TENM3: variants seen among roughly 807,000 people sequenced by gnomAD.
TENM3 encodes the protein teneurin-3.
A neutral mutation model predicts 255.1 loss-of-function variants in TENM3; 63 were observed. That is an observed-to-expected ratio of 0.25 (90% CI 0.20 to 0.30). The LOEUF is 0.30. Among genes scored for constraint, TENM3 ranks in the 10% least tolerant of loss-of-function variants. The pLI is 1.00. For missense variants in TENM3, 2,929 were observed against 3,461.1 expected (o/e 0.85, Z 3.86); for synonymous variants, 1,306 against 1,322.3 (o/e 0.99, Z 0.27).
intron 1 of TENM3, among the ~76,000 whole-genome samples, chr4:182,290,095 T>C (rs1019306009): frequency 1.2e-4 from 18 of 152,200 alleles, no homozygotes; most frequent in Admixed American, 3.3e-4. Flanking sequence ...GTATGTTAGC[T>C]GACCAGCCAC....
At chr4:181,750,242 A>G in the TENM3 span, among the ~76,000 whole-genome samples, 1 of 152,144 alleles carries the variant, frequency 6.6e-6, no homozygotes, top group Non-Finnish European at 1.5e-5. Flanking sequence ...GAAGAACCTC[A>G]AGAGAGGAGA....
chr4:181,894,035 A>G, the TENM3 span, among the ~76,000 whole-genome samples: 3 of 152,024 alleles, frequency 2.0e-5, no homozygotes, highest in African/African-American at 7.2e-5. Context: ...AGAAGTTGAA[A>G]AAAAAAAATG....
At chr4:182,703,920 A>ATT in intron 12 of TENM3, among the ~76,000 whole-genome samples, 1 of 152,292 alleles carries the variant, frequency 6.6e-6, no homozygotes, top group Non-Finnish European at 1.5e-5. Flanking sequence ...CTGTGATTGG[A>ATT]TTTATTAGCA....
Position 182,348,831 on chromosome 4 carries a change from C to A in TENM3, c.511+1902C>A, listed in dbSNP as rs570548174. Among the ~76,000 whole-genome samples, 6 of 151,882 alleles carry A rather than the reference C, an allele frequency of 4.0e-5. No individual in the cohort carries two copies. The East Asian group carries it at 1.2e-3, about 29-fold the overall frequency. On this transcript the variant is annotated intron_variant, in intron 3 of 27. Coordinates refer to ENST00000511685, the MANE Select transcript of TENM3 (RefSeq NM_001080477.4). ...TATAAACTTTGTAACCTTTAGTTAA[C>A]GACACATAATATCCAAATGTTAGGG...
chr4:181,723,681 T>C, the TENM3 span, among the ~76,000 whole-genome samples: 2 of 152,110 alleles, frequency 1.3e-5, no homozygotes. Context: ...TTTGGCTTAT[T>C]TACAAGTTCT....
intron 3 of TENM3, among the ~76,000 whole-genome samples, chr4:182,534,339 A>C (rs945438567): frequency 2.0e-5 from 3 of 152,218 alleles, no homozygotes; most frequent in Non-Finnish European, 4.4e-5. Context: ...CCCAGAGGAC[A>C]ATATAAAGAT....
intron 22 of TENM3, among the ~76,000 whole-genome samples, chr4:182,771,530 C>A (rs1764217677): frequency 6.6e-6 from 1 of 151,014 alleles, no homozygotes; most frequent in South Asian, 2.1e-4. Context: ...ATACAGAATT[C>A]TCCTATGTAG....
chr4:182,230,812 CTA>C (rs55642239), intron 1 of TENM3, among the ~76,000 whole-genome samples: 4,923 of 56,512 alleles, frequency 0.087, 144 homozygotes, highest in African/African-American at 0.1. Context: ...GTTTCTCAAA[CTA>C]TATATATATA....
chr4:182,303,897 C>T (rs531039461), intron 1 of TENM3, among the ~76,000 whole-genome samples: 23 of 152,072 alleles, frequency 1.5e-4, no homozygotes, highest in Admixed American at 1.1e-3. Flanking sequence ...ATTTTTAATT[C>T]GAAGCTTTCC....
chr4:182,341,704 A>T (rs963141306), intron 2 of TENM3, among the ~76,000 whole-genome samples: 22 of 152,250 alleles, frequency 1.4e-4, no homozygotes, highest in African/African-American at 5.1e-4. Context: ...TTTCTATAGG[A>T]TATAGTTCCA....
At chr4:182,559,599 C>T (rs900279010) in intron 3 of TENM3, among the ~76,000 whole-genome samples, 7 of 152,100 alleles carry the variant, frequency 4.6e-5, no homozygotes, top group Non-Finnish European at 8.8e-5. Context: ...TGCAAGCACC[C>T]TGTAATAAAC....
At chr4:181,630,304 A>AT in the TENM3 span, among the ~76,000 whole-genome samples, 3 of 150,536 alleles carry the variant, frequency 2.0e-5, no homozygotes, top group East Asian at 2.0e-4. Context: ...GGATTCATTG[A>AT]TTTTTTGAAG....
chr4:181,803,949 AAAAAGAAAG>A, the TENM3 span, among the ~76,000 whole-genome samples: 9 of 94,324 alleles, frequency 9.5e-5, no homozygotes, highest in East Asian at 2.5e-4. Flanking sequence ...CAAAAAAAAA[AAAAAGAAAG>A]AAAGAAAGAA....
At chr4:182,464,045 A>T (rs925680434) in intron 3 of TENM3, among the ~76,000 whole-genome samples, 2 of 152,216 alleles carry the variant, frequency 1.3e-5, no homozygotes, top group Non-Finnish European at 2.9e-5. Flanking sequence ...TCTTAAATAG[A>T]CCAAGAAATT....
rs1343025868 is a variant in TENM3, at chr4:182,801,367, C to A, written c.*1016C>A. ...CTCTTCCCTCTCTCACGCATCAGGCCAGTGTCCTCAGCATTGTCAACTGAG... is the reference window on the plus strand; with the variant it reads ...CTCTTCCCTCTCTCACGCATCAGGCAAGTGTCCTCAGCATTGTCAACTGAG... On this transcript the variant is annotated 3_prime_UTR_variant, in exon 28 of 28. Coordinates refer to ENST00000511685, the MANE Select transcript of TENM3 (RefSeq NM_001080477.4). The A allele has an allele frequency of 6.6e-6, 1 of 152,120 alleles. No individual in the cohort carries two copies. The highest frequency in any genetic ancestry group is 6.5e-5 in the Admixed American group (1 of 15,276). The allele number at this position is 152,120 out of a possible 1,614,324, so 9.4% of individuals were successfully genotyped here. A position where few individuals can be genotyped will look rare whatever the true frequency, so the allele number is the denominator to read the frequency against.
chr4:181,876,355 G>A, the TENM3 span, among the ~76,000 whole-genome samples: 2 of 152,000 alleles, frequency 1.3e-5, no homozygotes, highest in Non-Finnish European at 2.9e-5. Flanking sequence ...ATGAAATATG[G>A]GGAACACCTT....
rs544654557 is a variant in TENM3, at chr4:182,155,557, C to T, written c.-76+10803C>T. ...CACTGTGCCAGTTGATTATTGAAGG[C>T]TTCATCAAGGACTCTAGACTTTCAT... is the stretch of plus-strand genomic sequence containing the variant. On this transcript the variant is annotated intron_variant, in intron 1 of 2. Transcript: ENST00000512480. Among the ~76,000 whole-genome samples, 153 of 152,074 alleles carry T rather than the reference C, an allele frequency of 1.0e-3. No individual in the cohort carries two copies. The Middle Eastern group carries it at 0.01, about 10-fold the overall frequency.
In TENM3 at chr4:182,681,969, T is replaced by G; in HGVS notation, c.1990T>G (p.Ser664Ala). Residue 664 changes from serine (S) to alanine (A), a missense_variant, in exon 11 of 28, where the codon TCC becomes GCC. Physicochemically the swap from Ser to Ala is moderately conservative, Grantham distance 99 (BLOSUM62 1). Coordinates refer to ENST00000511685, the MANE Select transcript of TENM3 (RefSeq NM_001080477.4). ...GHGTYLQESG[S>A]CTCDPNWTGP... The stretch of plus-strand genomic sequence containing the variant: ...CGGAACGTATCTTCAAGAAAGTGGC[T>G]CCTGCACGTGTGACCCTAACTGGAC... 6.2e-7 allele frequency: 1 copy of G among 1,613,956 alleles called. No individual in the cohort carries two copies. The highest frequency in any genetic ancestry group is 8.5e-7 in the Non-Finnish European group (1 of 1,179,878).
the TENM3 span, among the ~76,000 whole-genome samples, chr4:181,519,832 T>C: frequency 1.3e-5 from 2 of 152,010 alleles, no homozygotes; most frequent in African/African-American, 2.4e-5. Context: ...TTCTGAAAAA[T>C]AGAAATACCA....
Sources: allele counts gnomAD v4.1 joint callset (sites outside exome capture counted in the v4.1 genomes callset), GRCh38; gene constraint gnomAD v4.1.1; transcripts MANE v1.5; gene names NCBI Gene and HGNC (gene_info 2026-07-23, HGNC 2026-07-21).